Variants in ZNF578 observed in about 807,000 individuals in gnomAD.
The protein encoded by ZNF578 is Putative chemokine-related protein B42.
A neutral mutation model predicts 8.3 loss-of-function variants in ZNF578; 8 were observed. The observed-to-expected ratio is 0.96, with a 90% CI of 0.56 to 1.74. ZNF578 has a LOEUF of 1.74. ZNF578 is among the 40% of genes most tolerant of loss of function. The pLI is 0.00. For synonymous variants in ZNF578, 206 were observed against 232.2 expected, an observed-to-expected ratio of 0.89 and a Z score of 1.03; for missense variants, 726 against 707.5, an observed-to-expected ratio of 1.03 and a Z score of -0.30.
At position 52,511,984 on chromosome 19, in the gene ZNF578, G is replaced by A. The variant is rs145169087; in HGVS notation, c.1603G>A (p.Gly535Arg). The change falls in exon 6 of 6, where the codon GGA (glycine) becomes AGA (arginine). Residue 535 changes from glycine (G) to arginine (R), a missense_variant. Transcript: ENST00000421239. ...TTCACGTCATCATAGACTTCATACT[G>A]GAGAGAAACCTTACAAATGTAAGGT... ...HLSRHHRLHT[G>R]EKPYKCKVCD... The A allele has an allele frequency of 6.2e-7, 1 of 1,614,088 alleles. No homozygotes were observed. Among genetic ancestry groups the A allele is most frequent in the African/African-American group, 1.3e-5 (1 of 75,018 alleles).
chr19:52,484,853 C>T (rs997140405), intron 2 of ZNF578, among the ~76,000 whole-genome samples: 1 of 151,232 alleles, frequency 6.6e-6, no homozygotes, highest in Non-Finnish European at 1.5e-5. Flanking sequence ...TCTCCCTTCA[C>T]TGACTCTCTT....
At chr19:52,477,014 A>G (rs1294426494) in intron 2 of ZNF578, among the ~76,000 whole-genome samples, 2 of 152,214 alleles carry the variant, frequency 1.3e-5, no homozygotes, top group African/African-American at 2.4e-5. Flanking sequence ...ACAATTGAGC[A>G]ATATATTCTC....
rs2059463201 is a variant in ZNF578 at position 52,514,241 on chromosome 19, A to G, written c.*2087A>G. 6.6e-6 allele frequency among the ~76,000 whole-genome samples: 1 copy of G among 152,182 alleles called. No homozygotes were observed. Among genetic ancestry groups the G allele is most frequent in the Admixed American group, 6.5e-5 (1 of 15,270 alleles). Reference sequence around the variant, plus strand: ...TTGCAGCATCCTGTAATCAGCTCACATCATTCGTTTCTGTACTTGTATATT... The same window carrying G: ...TTGCAGCATCCTGTAATCAGCTCACGTCATTCGTTTCTGTACTTGTATATT... On this transcript the variant is annotated 3_prime_UTR_variant, in exon 6 of 6. Coordinates refer to ENST00000421239, the MANE Select transcript of ZNF578 (RefSeq NM_001099694.2).
At chr19:52,499,028 C>T (rs1352339216) in intron 3 of ZNF578, among the ~76,000 whole-genome samples, 1 of 152,102 alleles carries the variant, frequency 6.6e-6, no homozygotes, top group African/African-American at 2.4e-5. Flanking sequence ...AGCCTATTGG[C>T]CCTTTCAGGC....
intron 3 of ZNF578, among the ~76,000 whole-genome samples, chr19:52,493,778 G>A (rs2059375424): frequency 2.0e-5 from 3 of 151,546 alleles, no homozygotes; most frequent in Admixed American, 1.3e-4. Context: ...ATCACCTGAG[G>A]TCCCGAGTTC....
intron 3 of ZNF578, among the ~76,000 whole-genome samples, chr19:52,495,404 C>A (rs1051410312): frequency 7.5e-5 from 11 of 147,296 alleles, no homozygotes; most frequent in African/African-American, 2.2e-4. Context: ...GAGCTGAGAT[C>A]GCACCATTGT....
chr19:52,458,468 T>TTATA (rs6146551), intron 2 of ZNF578: 1,999 of 121,746 alleles, frequency 0.016, 227 homozygotes, highest in African/African-American at 0.075. Flanking sequence ...GCTACTATGT[T>TTATA]TATATATATA....
intron 3 of ZNF578, among the ~76,000 whole-genome samples, chr19:52,497,310 C>A (rs1341279937): frequency 6.6e-6 from 1 of 152,258 alleles, no homozygotes; most frequent in Non-Finnish European, 1.5e-5. Context: ...GTTGGCCAGG[C>A]TGGTCTCAAA....
intron 2 of ZNF578, among the ~76,000 whole-genome samples, chr19:52,481,892 A>G (rs977989549): frequency 2.0e-5 from 3 of 151,876 alleles, no homozygotes; most frequent in East Asian, 1.9e-4. Flanking sequence ...CACCAAGACC[A>G]GCTAGGTTTT....
Position 52,472,898 on chromosome 19 carries a change from C to A in ZNF578, c.-122+15940C>A, listed in dbSNP as rs575139707. Reference sequence around the variant, plus strand: ...CTGATCATTTCCACATGCCGTTGAACCTTTGGTACACATCATGTCATGAGG... The same window carrying A: ...CTGATCATTTCCACATGCCGTTGAAACTTTGGTACACATCATGTCATGAGG... On this transcript the variant is annotated intron_variant, in intron 2 of 5. Coordinates refer to ENST00000421239, the MANE Select transcript of ZNF578 (RefSeq NM_001099694.2). Among the ~76,000 whole-genome samples, 16 of 152,222 alleles carry A rather than the reference C, an allele frequency of 1.1e-4. No individual in the cohort carries two copies. In the South Asian group the frequency reaches 3.3e-3, roughly 32 times the overall value.
Position 52,516,387 on chromosome 19 carries a change from T to A in ZNF578, c.*4233T>A, listed in dbSNP as rs1332492583. ...ACTGCTGCAGCATGTGTGTGTGGGC[T>A]TCTCCAGAAGGGGAGCCAGAGTTTC... On this transcript the variant is annotated 3_prime_UTR_variant, in exon 6 of 6. Coordinates refer to ENST00000421239, the MANE Select transcript of ZNF578 (RefSeq NM_001099694.2). 1.3e-5 allele frequency among the ~76,000 whole-genome samples: 2 copies of A among 152,164 alleles called. No individual in the cohort carries two copies. Among genetic ancestry groups the A allele is most frequent in the South Asian group, 4.1e-4 (2 of 4,828 alleles).
intron 3 of ZNF578, among the ~76,000 whole-genome samples, chr19:52,497,245 G>A (rs1406809243): frequency 2.0e-5 from 3 of 152,168 alleles, no homozygotes; most frequent in East Asian, 1.9e-4. Flanking sequence ...GATTACAGAC[G>A]CCCACCACCC....
chr19:52,478,458 C>T (rs889652736), intron 2 of ZNF578, among the ~76,000 whole-genome samples: 3 of 152,060 alleles, frequency 2.0e-5, no homozygotes, highest in African/African-American at 7.2e-5. Context: ...CCGAAGGAGG[C>T]GGTACAGATG....
At chr19:52,492,333 C>A (rs1278122808) in intron 3 of ZNF578, among the ~76,000 whole-genome samples, 2 of 152,102 alleles carry the variant, frequency 1.3e-5, no homozygotes, top group Non-Finnish European at 2.9e-5. Flanking sequence ...GTGCCCGCAT[C>A]CCTGCTGTGT....
intron 3 of ZNF578, among the ~76,000 whole-genome samples, chr19:52,500,894 TTTGAGATA>T (rs1239968394): frequency 2.3e-5 from 3 of 131,696 alleles, no homozygotes; most frequent in African/African-American, 8.1e-5. Flanking sequence ...TTTTTTTTTT[TTTGAGATA>T]GAGTCTTGCT....
intron 2 of ZNF578, among the ~76,000 whole-genome samples, chr19:52,490,255 C>T (rs1318521006): frequency 6.6e-6 from 1 of 152,084 alleles, no homozygotes; most frequent in Non-Finnish European, 1.5e-5. Context: ...CCTGTGACAT[C>T]ACAATTGCAC....
intron 2 of ZNF578, among the ~76,000 whole-genome samples, chr19:52,487,539 T>C (rs886204932): frequency 2.0e-5 from 3 of 152,200 alleles, no homozygotes; most frequent in African/African-American, 7.2e-5. Flanking sequence ...ACTTATTCAG[T>C]TGTGAATCAC....
At chr19:52,465,338 G>A (rs1300158142) in intron 2 of ZNF578, among the ~76,000 whole-genome samples, 2 of 152,290 alleles carry the variant, frequency 1.3e-5, no homozygotes, top group African/African-American at 4.8e-5. Flanking sequence ...TGGAGAAGCC[G>A]TGGGCTGAAC....
At chr19:52,502,110 A>C (rs1212906794) in intron 4 of ZNF578, among the ~76,000 whole-genome samples, 1 of 152,132 alleles carries the variant, frequency 6.6e-6, no homozygotes, top group Non-Finnish European at 1.5e-5. Context: ...CCTGTGACCC[A>C]GTGACATGAA....
Sources: allele counts gnomAD v4.1 joint callset (sites outside exome capture counted in the v4.1 genomes callset), GRCh38; gene constraint gnomAD v4.1.1; transcripts MANE v1.5; gene names NCBI Gene and HGNC (gene_info 2026-07-23, HGNC 2026-07-21).